RXRA: variants seen among roughly 807,000 people sequenced by gnomAD.
The protein encoded by RXRA is retinoid X receptor alpha.
In RXRA, 5 loss-of-function variants were observed where a neutral mutation model predicts 44.5. That is an observed-to-expected ratio of 0.11 (90% CI 0.06 to 0.24). RXRA has a LOEUF of 0.24. Among genes scored for constraint, RXRA ranks in the 10% least tolerant of loss-of-function variants. The pLI, the probability that RXRA is intolerant of heterozygous loss-of-function variation, is 1.00. For missense variants in RXRA, 412 were observed against 646.5 expected, an observed-to-expected ratio of 0.64 and a Z score of 3.93; for synonymous variants, 291 against 271.4, an observed-to-expected ratio of 1.07 and a Z score of -0.71.
At chr9:134,415,546 C>T (rs190958661) in intron 4 of RXRA, among the ~76,000 whole-genome samples, 1 of 152,166 alleles carries the variant, frequency 6.6e-6, no homozygotes, top group Non-Finnish European at 1.5e-5. Context: ...TGCCCACCAT[C>T]GAGACATCCT....
intron 1 of RXRA, among the ~76,000 whole-genome samples, chr9:134,350,168 C>T (rs782781591): frequency 2.6e-5 from 4 of 152,052 alleles, no homozygotes; most frequent in African/African-American, 4.8e-5. Context: ...TGTCTGGGGC[C>T]GAGTGGGCAG....
intron 1 of RXRA, among the ~76,000 whole-genome samples, chr9:134,338,510 G>C (rs782521208): frequency 1.3e-5 from 2 of 152,234 alleles, no homozygotes; most frequent in Non-Finnish European, 2.9e-5. Context: ...CACTCTTGCT[G>C]GCTGGGAGAG....
At position 134,401,809 on chromosome 9, in the gene RXRA, G is replaced by C; in HGVS notation, c.206G>C (p.Ser69Thr). 6.2e-7 allele frequency: 1 copy of C among 1,612,932 alleles called. No individual in the cohort carries two copies. The change falls in exon 2 of 10, where the codon AGC (serine) becomes ACC (threonine). Residue 69 changes from serine to threonine, a missense_variant. Coordinates refer to ENST00000481739, the MANE Select transcript of RXRA (RefSeq NM_002957.6). ...NGMGPPFSVI[S>T]SPMGPHSMSV... Reference sequence around the variant, plus strand: ...ATGGGCCCGCCTTTCTCGGTCATCAGCTCCCCCATGGGCCCCCACTCCATG... The same window carrying C: ...ATGGGCCCGCCTTTCTCGGTCATCACCTCCCCCATGGGCCCCCACTCCATG...
At chr9:134,357,910 G>T (rs1830302049) in intron 1 of RXRA, among the ~76,000 whole-genome samples, 1 of 152,234 alleles carries the variant, frequency 6.6e-6, no homozygotes, top group African/African-American at 2.4e-5. Context: ...GACCCTGTGG[G>T]CAAGGGGAGG....
At chr9:134,401,567 C>T in intron 1 of RXRA, 65 bp from the exon 2 acceptor site, 1 of 1,602,140 alleles carries the variant, frequency 6.2e-7, no homozygotes, top group Non-Finnish European at 8.5e-7. Context: ...CTGGGGGGAG[C>T]AGGCATTTGG....
chr9:134,391,372 T>C (rs1361436721), intron 1 of RXRA, among the ~76,000 whole-genome samples: 2 of 152,144 alleles, frequency 1.3e-5, no homozygotes, highest in African/African-American at 4.8e-5. Flanking sequence ...ACAGAGCTGC[T>C]GGCAGCGGTG....
intron 1 of RXRA, among the ~76,000 whole-genome samples, chr9:134,351,057 C>G (rs928581510): frequency 6.6e-6 from 1 of 152,224 alleles, no homozygotes; most frequent in Non-Finnish European, 1.5e-5. Context: ...ATGGGAAGTG[C>G]GTGTGGCCTC....
intron 2 of RXRA, chr9:134,406,338 G>A (rs971923583): frequency 1.3e-5 from 2 of 150,108 alleles, no homozygotes; most frequent in African/African-American, 2.5e-5. Flanking sequence ...AGGCTGCAGT[G>A]ACTGTGATTG....
At chr9:134,333,400 T>A (rs1180086528) in intron 1 of RXRA, among the ~76,000 whole-genome samples, 1 of 152,100 alleles carries the variant, frequency 6.6e-6, no homozygotes, top group Admixed American at 6.5e-5. Context: ...TAAGCCATAG[T>A]AATTTCCAGC....
chr9:134,374,880 G>A (rs898355035), intron 1 of RXRA, among the ~76,000 whole-genome samples: 3 of 152,208 alleles, frequency 2.0e-5, no homozygotes, highest in South Asian at 2.1e-4. Context: ...AGCTGGCGCC[G>A]ACCTGGTCCC....
At position 134,331,752 on chromosome 9, in the gene RXRA, C is replaced by A. The variant is rs1209857917; in HGVS notation, c.28+5093C>A. ...ACCCTGGGTGAGGTCTGTGGGCCAGCCTTTGTGTCCCGCTGTGGGGCCTGC... is the reference window on the plus strand; with the variant it reads ...ACCCTGGGTGAGGTCTGTGGGCCAGACTTTGTGTCCCGCTGTGGGGCCTGC... On this transcript the variant is annotated intron_variant, in intron 1 of 9. Coordinates refer to ENST00000481739, the MANE Select transcript of RXRA (RefSeq NM_002957.6). Among the ~76,000 whole-genome samples, 7 of 138,262 alleles carry A rather than the reference C, an allele frequency of 5.1e-5. No homozygotes were observed. The East Asian group carries it at 1.4e-3, about 27-fold the overall frequency. The allele number at this position is 138,262 out of a possible 152,430, so 90.7% of individuals were successfully genotyped here.
chr9:134,396,163 G>A (rs1830875652), intron 1 of RXRA, among the ~76,000 whole-genome samples: 1 of 152,194 alleles, frequency 6.6e-6, no homozygotes, highest in African/African-American at 2.4e-5. Context: ...TCAGGGAGTG[G>A]TGGGTCTTGT....
intron 1 of RXRA, among the ~76,000 whole-genome samples, chr9:134,347,042 G>A (rs1032530527): frequency 6.6e-6 from 1 of 152,084 alleles, no homozygotes; most frequent in African/African-American, 2.4e-5. Context: ...GAGTAGGGTG[G>A]TGGCCTTTCC....
At chr9:134,421,980 TCCTA>T in intron 6 of RXRA, 175 bp downstream of exon 6, 1 of 1,398,340 alleles carries the variant, frequency 7.2e-7, no homozygotes, top group South Asian at 1.4e-5. Flanking sequence ...TGGGACACAC[TCCTA>T]CCTCCCGGGA....
chr9:134,400,499 C>T (rs894488855), intron 1 of RXRA, among the ~76,000 whole-genome samples: 5 of 152,218 alleles, frequency 3.3e-5, no homozygotes, highest in Admixed American at 6.5e-5. Flanking sequence ...TGGCTTGCCC[C>T]GTGTGCCCAG....
chr9:134,345,090 C>T (rs58968983), intron 1 of RXRA, among the ~76,000 whole-genome samples: 52,652 of 152,108 alleles, frequency 0.35, 9,633 homozygotes, highest in African/African-American at 0.46. Context: ...ACCCCAGACT[C>T]CAGCTCTCTC....
In RXRA at chr9:134,432,720, C is replaced by T. The variant is rs35303098; in HGVS notation, c.1135+724C>T. Reference sequence around the variant, plus strand: ...AGAGGGTCACGCCCACCAGCAGGCACCCCCGGCACGTGAGGGCAGGAGCAC... The same window carrying T: ...AGAGGGTCACGCCCACCAGCAGGCATCCCCGGCACGTGAGGGCAGGAGCAC... On this transcript the variant is annotated intron_variant, in intron 8 of 9. Coordinates refer to ENST00000481739, the MANE Select transcript of RXRA (RefSeq NM_002957.6). 5.7e-3 allele frequency among the ~76,000 whole-genome samples: 869 copies of T among 152,334 alleles called. 14 individuals carry two copies. Among genetic ancestry groups the T allele is most frequent in the African/African-American group, 0.02 (825 of 41,580 alleles).
chr9:134,422,372 A>G (rs1283198489), intron 6 of RXRA: 1 of 1,266,438 alleles, frequency 7.9e-7, no homozygotes, highest in Non-Finnish European at 1.0e-6. Context: ...CGCTACCGGG[A>G]CACTCCCCCC....
intron 1 of RXRA, among the ~76,000 whole-genome samples, chr9:134,360,064 GGCCCACC>G (rs1830330293): frequency 6.6e-6 from 1 of 152,180 alleles, no homozygotes; most frequent in Non-Finnish European, 1.5e-5. Context: ...GTGCCCAGTG[GGCCCACC>G]CGGCACAGAT....
Sources: gnomAD v4.1 joint callset for allele counts (sites outside exome capture counted in the v4.1 genomes callset) on GRCh38, gnomAD v4.1.1 for gene constraint, MANE v1.5 for transcripts, NCBI Gene and HGNC (gene_info 2026-07-23, HGNC 2026-07-21) for gene names.